PXDN: variants seen among roughly 807,000 people sequenced by gnomAD.
PXDN encodes peroxidasin homolog.
PXDN carries 77 observed loss-of-function variants against 140.3 expected under a neutral mutation model. The ratio of observed to expected loss-of-function variants is 0.55; its 90% CI spans 0.46 to 0.66. PXDN has a LOEUF of 0.66. Among genes scored for constraint, PXDN ranks in the 30% least tolerant of loss-of-function variants. The pLI is 0.00. For synonymous variants in PXDN, 911 were observed against 857.4 expected (o/e 1.06, Z -1.09); for missense variants, 1,838 against 2,039.5 (o/e 0.90, Z 1.90).
At chr2:1,690,648 C>CAAAAAAAAAAAAAAAAAAAAAAAACAA (rs35970382) in intron 3 of PXDN, among the ~76,000 whole-genome samples, 1 of 68,638 alleles carries the variant, frequency 1.5e-5, no homozygotes, top group Non-Finnish European at 2.7e-5. Context: ...TTCAAAATAC[C>CAAAAAAAAAAAAAAAAAAAAAAAACAA]AAAAAAAAAA....
At chr2:1,739,105 C>T (rs933595987) in intron 1 of PXDN, among the ~76,000 whole-genome samples, 4 of 152,152 alleles carry the variant, frequency 2.6e-5, no homozygotes, top group Admixed American at 6.5e-5. Flanking sequence ...TCATGCGCTC[C>T]AGACCCAGTG....
chr2:1,693,583 T>C (rs1194288581), intron 1 of PXDN, among the ~76,000 whole-genome samples: 2 of 152,210 alleles, frequency 1.3e-5, no homozygotes, highest in Non-Finnish European at 2.9e-5. Flanking sequence ...CCTAAACTGC[T>C]ACCTTCATGA....
intron 1 of PXDN, among the ~76,000 whole-genome samples, chr2:1,701,366 G>A (rs1260488537): frequency 6.6e-6 from 1 of 152,232 alleles, no homozygotes; most frequent in Non-Finnish European, 1.5e-5. Context: ...ACTCGCTTCT[G>A]TACTTAACAT....
At position 1,685,389 on chromosome 2, in the gene PXDN, G is replaced by A. The variant is rs370655023; in HGVS notation, c.417-1238C>T. On this transcript the variant is annotated intron_variant, in intron 4 of 22. Transcript: ENST00000252804. This position sits in a 1 kb window ranked among gnomAD's most constrained non-coding sequence, Gnocchi z 5.1. ...GCGGGTCCCGAGGAAGGCCGAACCC[G>A]ACAGAATCCCTGGAGCCTCGTCTCT... Among the ~76,000 whole-genome samples, 151 of 152,334 alleles carry A rather than the reference G, an allele frequency of 9.9e-4. No homozygotes were observed. The highest frequency in any genetic ancestry group is 3.3e-3 in the East Asian group (17 of 5,170).
At chr2:1,724,004 T>A (rs777431977) in intron 1 of PXDN, among the ~76,000 whole-genome samples, 3 of 152,210 alleles carry the variant, frequency 2.0e-5, no homozygotes, top group Non-Finnish European at 2.9e-5. Flanking sequence ...TTCATCTTAT[T>A]CCCAAAAGGA....
At chr2:1,683,415 GA>G (rs1683963462) in intron 6 of PXDN, among the ~76,000 whole-genome samples, 1 of 70,668 alleles carries the variant, frequency 1.4e-5, no homozygotes, top group Admixed American at 1.5e-4. Flanking sequence ...GACCCTATCT[GA>G]AAAAAAATTT....
At chr2:1,736,747 A>G (rs1055461709) in intron 1 of PXDN, among the ~76,000 whole-genome samples, 1 of 152,162 alleles carries the variant, frequency 6.6e-6, no homozygotes, top group Non-Finnish European at 1.5e-5. Flanking sequence ...AGCTAAAAGT[A>G]GGAGGCTAAG....
intron 1 of PXDN, among the ~76,000 whole-genome samples, chr2:1,702,789 C>T (rs1353270731): frequency 2.6e-5 from 4 of 152,018 alleles, no homozygotes; most frequent in African/African-American, 7.3e-5. Flanking sequence ...CCACTACGCC[C>T]AGCTAATTTT....
intron 1 of PXDN, among the ~76,000 whole-genome samples, chr2:1,728,746 G>C (rs1251268975): frequency 6.6e-6 from 1 of 152,194 alleles, no homozygotes; most frequent in East Asian, 1.9e-4. Context: ...AGGAATGGGG[G>C]ACAGTGTTCC....
rs371897369 is a variant in PXDN, at chr2:1,720,685, TTCTCTC to T, written c.200+23565_200+23570del. Among the ~76,000 whole-genome samples, 328 of 37,616 alleles carry T rather than the reference TTCTCTC, an allele frequency of 8.7e-3. 1 individual carries two copies. The highest frequency in any genetic ancestry group is 0.042 in the East Asian group (35 of 840). 24.7% of individuals were successfully genotyped at this position (37,616 alleles called of 152,430 possible). ...TGCATCTCTTTCTCTCTGCATCTCT[TTCTCTC>T]TCTCTCTGCATCTCTTTCTCTCTCT... On this transcript the variant is annotated intron_variant, in intron 1 of 22. Coordinates refer to ENST00000252804, the MANE Select transcript of PXDN (RefSeq NM_012293.3).
chr2:1,744,119 C>T, intron 1 of PXDN, 137 bp downstream of exon 1: 6 of 945,410 alleles, frequency 6.3e-6, no homozygotes, highest in Non-Finnish European at 8.5e-6. Flanking sequence ...TTCCCTTCTG[C>T]GTCCCAAGTC....
Position 1,648,098 on chromosome 2 carries a change from AAC to A in PXDN, c.3608+72_3608+73del. On this transcript the variant is annotated intron_variant, in intron 17 of 22. Transcript: ENST00000252804. The surrounding 1 kb of genome is among the most constrained non-coding windows in gnomAD (Gnocchi z 8.9). ...ACAAAACTCACACACAGAGACAAATAACACACACACCACAGTTCAGGTGTTCC... is the reference window on the plus strand; with the variant it reads ...ACAAAACTCACACACAGAGACAAATAACACACACCACAGTTCAGGTGTTCC... 1 of 1,526,450 alleles carries A rather than the reference AAC, an allele frequency of 6.6e-7. No homozygotes were observed. The highest frequency in any genetic ancestry group is 8.9e-7 in the Non-Finnish European group (1 of 1,123,388). The allele number at this position is 1,526,450 out of a possible 1,614,324, so 94.6% of individuals were successfully genotyped here.
intron 1 of PXDN, among the ~76,000 whole-genome samples, chr2:1,696,254 C>T (rs947009433): frequency 3.3e-5 from 5 of 152,130 alleles, no homozygotes; most frequent in Non-Finnish European, 7.3e-5. Flanking sequence ...TGTTAAATGA[C>T]ATAAGTAGTT....
Position 1,685,491 on chromosome 2 carries a change from C to T in PXDN, c.417-1340G>A, listed in dbSNP as rs1054764864. Among the ~76,000 whole-genome samples the T allele has an allele frequency of 1.3e-5, 2 of 151,968 alleles. No homozygotes were observed. The highest frequency in any genetic ancestry group is 2.9e-5 in the Non-Finnish European group (2 of 67,988). ...TTCACAGCCCATGGCAGCTGGGGAC[C>T]GATGTAAGACCCAGGCACCACCACG... On this transcript the variant is annotated intron_variant, in intron 4 of 22. Transcript: ENST00000252804. The surrounding 1 kb of genome is among the most constrained non-coding windows in gnomAD (Gnocchi z 5.1).
At chr2:1,644,328 G>A (rs1283543781) in intron 18 of PXDN, among the ~76,000 whole-genome samples, 3 of 152,078 alleles carry the variant, frequency 2.0e-5, no homozygotes, top group African/African-American at 7.2e-5. Context: ...TTAGCTGTAT[G>A]GACTGTCCAA....
intron 9 of PXDN, among the ~76,000 whole-genome samples, chr2:1,671,230 C>T (rs1683567578): frequency 6.6e-6 from 1 of 152,080 alleles, no homozygotes; most frequent in African/African-American, 2.4e-5. Context: ...GAAATGGGCA[C>T]ATAGTGTCCA....
intron 8 of PXDN, among the ~76,000 whole-genome samples, chr2:1,676,024 T>C: frequency 6.6e-6 from 1 of 152,106 alleles, no homozygotes; most frequent in East Asian, 1.9e-4. Flanking sequence ...AGGATTCCTT[T>C]CAAAAGGTCA....
Position 1,663,705 on chromosome 2 carries a change from G to A in PXDN, c.1467C>T (p.Ile489=). The change falls in exon 12 of 23, where the codon ATC becomes ATT. Residue 489 remains isoleucine, a synonymous_variant. Coordinates refer to ENST00000252804, the MANE Select transcript of PXDN (RefSeq NM_012293.3). ...HLVLSSGTLR[I]SGVALHDQGQ... ...CCTGGTCGTGGAGGGCAACACCAGA[G>A]ATTCTAAGTGTTCCCGATGACAGGA... 6.2e-7 allele frequency: 1 copy of A among 1,613,890 alleles called. No homozygotes were observed. The highest frequency in any genetic ancestry group is 2.2e-5 in the East Asian group (1 of 44,870).
At chr2:1,740,496 G>T (rs532392230) in intron 1 of PXDN, among the ~76,000 whole-genome samples, 1 of 151,954 alleles carries the variant, frequency 6.6e-6, no homozygotes, top group Admixed American at 6.5e-5. Flanking sequence ...GGCCTGGGGG[G>T]CCTGCAGGCG....
Sources: allele counts gnomAD v4.1 joint callset (sites outside exome capture counted in the v4.1 genomes callset), GRCh38; gene constraint gnomAD v4.1.1; non-coding constraint Gnocchi (gnomAD v3.1); transcripts MANE v1.5; gene names NCBI Gene and HGNC (gene_info 2026-07-23, HGNC 2026-07-21).